CHD5: variants seen among roughly 807,000 people sequenced by gnomAD.
CHD5 encodes chromodomain helicase DNA binding protein 5.
Under a neutral mutation model 230.3 loss-of-function variants are expected in CHD5, and 69 were observed. The observed-to-expected ratio is 0.30, with a 90% CI of 0.25 to 0.37. The LOEUF (loss-of-function observed/expected upper bound fraction) is 0.37. Ranked by LOEUF, CHD5 falls within the 10% of genes least tolerant of loss-of-function variation. CHD5 has a pLI of 1.00. For synonymous variants in CHD5, 1,064 were observed against 1,065.9 expected, an observed-to-expected ratio of 1.00 and a Z score of 0.03; for missense variants, 1,827 against 2,622.8, an observed-to-expected ratio of 0.70 and a Z score of 6.63.
Position 6,125,395 on chromosome 1 carries a change from A to T in CHD5, c.4260+129T>A. 1 of 1,266,608 alleles carries T rather than the reference A, an allele frequency of 7.9e-7. No homozygotes were observed. The highest frequency in any genetic ancestry group is 1.1e-6 in the Non-Finnish European group (1 of 911,478). The allele number at this position is 1,266,608 out of a possible 1,614,324, so 78.5% of individuals were successfully genotyped here. On this transcript the variant is annotated intron_variant, in intron 28 of 41. Transcript: ENST00000262450. The surrounding 1 kb of genome is among the most constrained non-coding windows in gnomAD (Gnocchi z 6.7). ...GGGCAGGACCCTGACGGCGAAGACC[A>T]GACCAAGTTCTGTCCAAGCTCCGCC...
At chr1:6,119,388 G>T (rs536984133) in intron 33 of CHD5, among the ~76,000 whole-genome samples, 1 of 152,066 alleles carries the variant, frequency 6.6e-6, no homozygotes, top group East Asian at 1.9e-4. Context: ...ATGAGCCACC[G>T]CACCTGGCCC....
Position 6,159,333 on chromosome 1 carries a change from T to A in CHD5, c.387+3A>T. ...GTCCCCCCAGCCAGGCCTCCACAGT[T>A]ACCTTTAAGCATCCATCATCATTAT... is the stretch of plus-strand genomic sequence containing the variant. On this transcript the variant is annotated splice_donor_region_variant and intron_variant, in intron 3 of 41. Coordinates refer to ENST00000262450, the MANE Select transcript of CHD5 (RefSeq NM_015557.3). 6.4e-7 allele frequency: 1 copy of A among 1,551,202 alleles called. No individual in the cohort carries two copies. The highest frequency in any genetic ancestry group is 8.7e-7 in the Non-Finnish European group (1 of 1,146,748).
chr1:6,154,356 C>T lies in CHD5; in HGVS notation c.745+304G>A, dbSNP rs1393786093. On this transcript the variant is annotated intron_variant, in intron 5 of 41. Coordinates refer to ENST00000262450, the MANE Select transcript of CHD5 (RefSeq NM_015557.3). This position sits in a 1 kb window ranked among gnomAD's most constrained non-coding sequence, Gnocchi z 7.0. ...CTCTGCGTACCTCTGGTCCCGCCCT[C>T]CCTCCAGGCCCACGTCGGGGGCACC... Among the ~76,000 whole-genome samples the T allele has an allele frequency of 1.3e-5, 2 of 152,210 alleles. 1 individual carries two copies. The highest frequency in any genetic ancestry group is 2.9e-5 in the Non-Finnish European group (2 of 68,034).
rs747314224 is a variant in CHD5 at position 6,134,085 on chromosome 1, G to C, written c.3144+43C>G. The C allele has an allele frequency of 6.3e-7, 1 of 1,595,584 alleles. No homozygotes were observed. Among genetic ancestry groups the C allele is most frequent in the South Asian group, 1.1e-5 (1 of 90,546 alleles). On this transcript the variant is annotated intron_variant, in intron 20 of 41. Transcript: ENST00000262450. The surrounding 1 kb of genome is among the most constrained non-coding windows in gnomAD (Gnocchi z 6.3). ...CAAGCATCAGGGCAGGATGCTCTCT[G>C]TGGGGTGTGGAGCCGGGGCGGGGGT...
intron 17 of CHD5, 110 bp downstream of exon 17, chr1:6,136,407 G>A: frequency 4.7e-6 from 6 of 1,282,922 alleles, no homozygotes; most frequent in African/African-American, 1.5e-5. Context: ...TTTTACTGAT[G>A]AGGAAGCAAC....
In CHD5 at chr1:6,109,937, C is replaced by T; in HGVS notation, c.5436G>A (p.Leu1812=). The T allele has an allele frequency of 6.3e-7, 1 of 1,598,950 alleles. No homozygotes were observed. Among genetic ancestry groups the T allele is most frequent in the Non-Finnish European group, 8.5e-7 (1 of 1,173,416 alleles). The change falls in exon 38 of 42, where the codon CTG becomes CTA. Residue 1812 remains leucine, a synonymous_variant. Coordinates refer to ENST00000262450, the MANE Select transcript of CHD5 (RefSeq NM_015557.3). The part of the protein sequence containing the change: ...IEEQLRRAAY[L]NMTQDPNHPA... ...GGTGGTTGGGGTCCTGCGTCATGTT[C>T]AGGTACGCGGCCCTCCGGAGCTGCT...
In CHD5 at chr1:6,102,163, G is replaced by A; in HGVS notation, c.*3311C>T. ...TCCCTTCCTCTCCAGGGGTGCTTGGGCTCCAATCGCTGCTTGAGGAGTTCA... is the reference window on the plus strand; with the variant it reads ...TCCCTTCCTCTCCAGGGGTGCTTGGACTCCAATCGCTGCTTGAGGAGTTCA... On this transcript the variant is annotated 3_prime_UTR_variant, in exon 42 of 42. Transcript: ENST00000262450. 1 of 264,180 alleles carries A rather than the reference G, an allele frequency of 3.8e-6. No homozygotes were observed. The allele number at this position is 264,180 out of a possible 1,614,324, so 16.4% of individuals were successfully genotyped here.
chr1:6,178,281 C>T (rs570624386), intron 1 of CHD5, among the ~76,000 whole-genome samples: 1 of 142,676 alleles, frequency 7.0e-6, no homozygotes, highest in Admixed American at 6.7e-5. Flanking sequence ...ACTGGGGGCA[C>T]CTTCCCTGGC....
chr1:6,170,297 C>T (rs1031523259), intron 1 of CHD5, among the ~76,000 whole-genome samples: 2 of 152,150 alleles, frequency 1.3e-5, no homozygotes, highest in Admixed American at 6.5e-5. Context: ...AGGCCCCCAC[C>T]GCCCGGCCTG....
chr1:6,125,544 G>T lies in CHD5; in HGVS notation c.4240C>A (p.Arg1414=). ...RDKPLPPLLA[R]VGGNIEVLGF... is the part of the protein sequence containing the mutation. ...CCCACCTCGATGTTGCCACCAACTCGGGCGAGAAGCGGGGGCAGGGGCTTG... is the reference window on the plus strand; with the variant it reads ...CCCACCTCGATGTTGCCACCAACTCTGGCGAGAAGCGGGGGCAGGGGCTTG... Residue 1414 remains arginine (R), a synonymous_variant, in exon 28 of 42, where the codon CGA becomes AGA. Coordinates refer to ENST00000262450, the MANE Select transcript of CHD5 (RefSeq NM_015557.3). The surrounding 1 kb of genome is among the most constrained non-coding windows in gnomAD (Gnocchi z 6.7). 1 of 1,594,856 alleles carries T rather than the reference G, an allele frequency of 6.3e-7. No homozygotes were observed. The highest frequency in any genetic ancestry group is 1.7e-5 in the Admixed American group (1 of 57,582).
Position 6,114,252 on chromosome 1 carries a change from CA to C in CHD5, c.4913-1255del, listed in dbSNP as rs34379729. Among the ~76,000 whole-genome samples the C allele has an allele frequency of 4.1e-4, 57 of 139,608 alleles. No homozygotes were observed. The Middle Eastern group carries it at 0.011, about 27-fold the overall frequency. 91.6% of individuals were successfully genotyped at this position (139,608 alleles called of 152,430 possible). A position where few individuals can be genotyped will look rare whatever the true frequency, so the allele number is the denominator to read the frequency against. On this transcript the variant is annotated intron_variant, in intron 33 of 41. Transcript: ENST00000262450. ...TGGGTGACAGAGTGAGACTCCGTCT[CA>C]AAAAAAAAAAAAATCACAATTCCTG...
intron 1 of CHD5, among the ~76,000 whole-genome samples, chr1:6,174,653 A>G (rs1173128121): frequency 6.9e-6 from 1 of 145,884 alleles, no homozygotes; most frequent in Non-Finnish European, 1.5e-5. Flanking sequence ...TGGATGATGA[A>G]TTGATGGATA....
chr1:6,105,667 C>T lies in CHD5; in HGVS notation c.*47-240G>A, dbSNP rs1666150807. ...GCCAGCCAGGAAGCCCCTCTGGAGC[C>T]TCCTCCAGCAAGACACGGTTCCCAC... On this transcript the variant is annotated intron_variant, in intron 41 of 41. Coordinates refer to ENST00000262450, the MANE Select transcript of CHD5 (RefSeq NM_015557.3). This position sits in a 1 kb window ranked among gnomAD's most constrained non-coding sequence, Gnocchi z 4.8. Among the ~76,000 whole-genome samples the T allele has an allele frequency of 6.6e-6, 1 of 152,154 alleles. No individual in the cohort carries two copies. The highest frequency in any genetic ancestry group is 6.5e-5 in the Admixed American group (1 of 15,282).
intron 2 of CHD5, among the ~76,000 whole-genome samples, chr1:6,164,001 G>A (rs1667215736): frequency 6.6e-6 from 1 of 152,224 alleles, no homozygotes. Context: ...CAGCCTATGT[G>A]TGCCAGGAGG....
intron 1 of CHD5, among the ~76,000 whole-genome samples, chr1:6,169,183 C>A (rs1421694520): frequency 6.6e-6 from 1 of 152,200 alleles, no homozygotes; most frequent in African/African-American, 2.4e-5. Context: ...AAGACCATAT[C>A]GTATCTCCTC....
At position 6,126,551 on chromosome 1, in the gene CHD5, T is replaced by C; in HGVS notation, c.4078+21A>G. ...TCCGCCTCTGGGTGAGGGGCACCAG[T>C]CCCTCCCTCCCGGCACGCACCCTGG... On this transcript the variant is annotated intron_variant, in intron 26 of 41. Transcript: ENST00000262450. The surrounding 1 kb of genome is among the most constrained non-coding windows in gnomAD (Gnocchi z 5.7). 1 of 1,610,608 alleles carries C rather than the reference T, an allele frequency of 6.2e-7. No individual in the cohort carries two copies. The highest frequency in any genetic ancestry group is 8.5e-7 in the Non-Finnish European group (1 of 1,179,052).
At chr1:6,145,956 G>A (rs1183378436) in intron 11 of CHD5, among the ~76,000 whole-genome samples, 5 of 152,156 alleles carry the variant, frequency 3.3e-5, no homozygotes, top group East Asian at 1.9e-4. Context: ...TGAGGGTCCC[G>A]ACGCCCCAGG....
At chr1:6,143,683 CA>C in intron 13 of CHD5, 139 bp downstream of exon 13, 1 of 737,580 alleles carries the variant, frequency 1.4e-6, no homozygotes, top group Non-Finnish European at 2.3e-6. Flanking sequence ...TCCTAGCCTA[CA>C]TGGGCATGAC....
At position 6,131,779 on chromosome 1, in the gene CHD5, C is replaced by A. The variant is rs1402946701; in HGVS notation, c.3145-31G>T. 12 of 1,502,602 alleles carry A rather than the reference C, an allele frequency of 8.0e-6. No individual in the cohort carries two copies. Among genetic ancestry groups the A allele is most frequent in the Non-Finnish European group, 1.1e-5 (12 of 1,081,540 alleles). The allele number at this position is 1,502,602 out of a possible 1,614,324, so 93.1% of individuals were successfully genotyped here. ...GGGGAGACGGGCACGTGAGGAACTG[C>A]CAAGGAGCAAGGGGCCCCATGGGCC... On this transcript the variant is annotated intron_variant, in intron 20 of 41. Transcript: ENST00000262450. This position sits in a 1 kb window ranked among gnomAD's most constrained non-coding sequence, Gnocchi z 5.0.
Sources: allele counts gnomAD v4.1 joint callset (sites outside exome capture counted in the v4.1 genomes callset), GRCh38; gene constraint gnomAD v4.1.1; non-coding constraint Gnocchi (gnomAD v3.1); transcripts MANE v1.5; gene names NCBI Gene and HGNC (gene_info 2026-07-23, HGNC 2026-07-21).